Variants in CTNNAL1 observed in about 807,000 individuals in gnomAD.
CTNNAL1 encodes catenin alpha like 1.
In CTNNAL1, 69 loss-of-function variants were observed where a neutral mutation model predicts 93.6. That is an observed-to-expected ratio of 0.74 (90% confidence interval 0.61 to 0.90). The LOEUF is 0.90. Among genes scored for constraint, CTNNAL1 ranks in the 40% least tolerant of loss-of-function variants. The probability of loss-of-function intolerance (pLI) is 0.00; values close to 1 mark genes in which losing one functional copy is unlikely to be tolerated. For missense variants in CTNNAL1, 836 were observed against 862.0 expected, an observed-to-expected ratio of 0.97 and a Z score of 0.38; for synonymous variants, 286 against 305.4, an observed-to-expected ratio of 0.94 and a Z score of 0.66.
intron 8 of CTNNAL1, 31 bp from the exon 9 acceptor site, chr9:108,972,864 G>GGGGGGGGGGGGGGGGGCCCCCCC: frequency 3.5e-5 from 5 of 142,560 alleles, no homozygotes; most frequent in Non-Finnish European, 5.0e-5. Flanking sequence ...GGGGGGGTGG[G>GGGGGGGGGGGGGGGGGCCCCCCC]AGGGTGGAGA....
rs917726499 is a variant in CTNNAL1 at position 108,965,606 on chromosome 9, A to C, written c.1441-78T>G. On this transcript the variant is annotated intron_variant, in intron 10 of 18. Coordinates refer to ENST00000325551, the MANE Select transcript of CTNNAL1 (RefSeq NM_003798.4). The stretch of plus-strand genomic sequence containing the variant: ...ATCACTTTGAAGACCAAAGGTAAGT[A>C]AGTCTGCTGTTCAATTCAACTCAAT... The C allele has an allele frequency of 5.4e-6, 4 of 738,996 alleles. No homozygotes were observed. The African/African-American group carries it at 7.3e-5, about 13-fold the overall frequency. 45.8% of individuals were successfully genotyped at this position (738,996 alleles called of 1,614,324 possible). A position where few individuals can be genotyped will look rare whatever the true frequency, so the allele number is the denominator to read the frequency against.
chr9:108,955,780 T>C lies in CTNNAL1; in HGVS notation c.1629+10A>G. Reference sequence around the variant, plus strand: ...AAACATTCTGCAATGTACATAATTCTTCTACTTACCATTGGCTTTGGAAGT... The same window carrying C: ...AAACATTCTGCAATGTACATAATTCCTCTACTTACCATTGGCTTTGGAAGT... On this transcript the variant is annotated intron_variant, in intron 12 of 18. Transcript: ENST00000325551. The C allele has an allele frequency of 1.2e-6, 2 of 1,600,024 alleles. No individual in the cohort carries two copies. The highest frequency in any genetic ancestry group is 1.1e-5 in the South Asian group (1 of 88,904).
chr9:108,979,166 G>T, intron 7 of CTNNAL1, 115 bp downstream of exon 7: 1 of 1,308,150 alleles, frequency 7.6e-7, no homozygotes, highest in Non-Finnish European at 1.0e-6. Context: ...GAGATATCCT[G>T]TCCCATTCTG....
In CTNNAL1 at chr9:108,944,001, A is replaced by C. The variant is rs2132074579; in HGVS notation, c.1902T>G (p.Gly634=). The C allele has an allele frequency of 6.2e-7, 1 of 1,613,826 alleles. No individual in the cohort carries two copies. The highest frequency in any genetic ancestry group is 1.1e-5 in the South Asian group (1 of 90,996). The part of the protein sequence containing the change: ...IHQLEVFAAE[G]LKLTSSVQAF... Reference sequence around the variant, plus strand: ...CTTGAACACTGGAAGTAAGCTTTAAACCCTCTGCAGCAAAAACCTGGTAGA... The same window carrying C: ...CTTGAACACTGGAAGTAAGCTTTAACCCCTCTGCAGCAAAAACCTGGTAGA... Residue 634 remains glycine (G), a synonymous_variant, in exon 16 of 19, where the codon GGT becomes GGG. Transcript: ENST00000325551.
Position 108,948,254 on chromosome 9 carries a change from TAAGAAGG to T in CTNNAL1, c.1836-27_1836-21del. The T allele has an allele frequency of 6.2e-7, 1 of 1,604,864 alleles. No individual in the cohort carries two copies. The highest frequency in any genetic ancestry group is 1.1e-5 in the South Asian group (1 of 88,636). ...TCTCCTCTAAAATAAAATTAATTGTTAAGAAGGTAACAAAAAGTTATTACCTGAAAAT... is the reference window on the plus strand; with the variant it reads ...TCTCCTCTAAAATAAAATTAATTGTTTAACAAAAAGTTATTACCTGAAAAT... On this transcript the variant is annotated intron_variant, in intron 14 of 18. Transcript: ENST00000325551.
intron 14 of CTNNAL1, chr9:108,950,511 T>C: frequency 6.5e-7 from 1 of 1,549,144 alleles, no homozygotes; most frequent in Non-Finnish European, 8.7e-7. Flanking sequence ...TTCCAGAGAA[T>C]TATCTATCTA....
At chr9:108,943,574 T>C (rs947919963) in intron 17 of CTNNAL1, 129 bp downstream of exon 17, 1 of 707,346 alleles carries the variant, frequency 1.4e-6, no homozygotes, top group Non-Finnish European at 2.3e-6. Flanking sequence ...AATAAATGAT[T>C]CTTGTAGACA....
At chr9:108,972,982 T>C in intron 8 of CTNNAL1, 149 bp from the exon 9 acceptor site, 4 of 930,356 alleles carry the variant, frequency 4.3e-6, no homozygotes, top group Non-Finnish European at 6.2e-6. Context: ...AGCAGTTCCA[T>C]GGGTTCCACT....
intron 4 of CTNNAL1, among the ~76,000 whole-genome samples, chr9:108,986,060 G>C (rs1431939372): frequency 2.0e-5 from 3 of 151,172 alleles, no homozygotes; most frequent in African/African-American, 4.9e-5. Context: ...AAGTTTTAGG[G>C]TACATGTGCA....
intron 9 of CTNNAL1, among the ~76,000 whole-genome samples, chr9:108,972,232 A>C (rs1010508625): frequency 6.6e-6 from 1 of 151,680 alleles, no homozygotes; most frequent in South Asian, 2.1e-4. Context: ...CCTTGCTACC[A>C]CTCGCCCCAA....
In CTNNAL1 at chr9:108,979,295, C is replaced by G. The variant is rs1266988385; in HGVS notation, c.1087G>C (p.Val363Leu). ...AAAGTTCTTACAGCTTGAATCCACA[C>G]AGAAATTAACTGCTGCAGTTCCATT... ...ARMELQQLIS[V>L]WIQAQSKKTK... Residue 363 changes from valine (V) to leucine (L), a missense_variant, in exon 7 of 19, where the codon GTG becomes CTG. Transcript: ENST00000325551. 6.8e-6 allele frequency: 11 copies of G among 1,614,126 alleles called. No homozygotes were observed. In the South Asian group the frequency reaches 1.2e-4, roughly 18 times the overall value.
In CTNNAL1 at chr9:108,970,475, T is replaced by G; in HGVS notation, c.1367A>C (p.His456Pro). 6.2e-7 allele frequency: 1 copy of G among 1,611,654 alleles called. No homozygotes were observed. Among genetic ancestry groups the G allele is most frequent in the Non-Finnish European group, 8.5e-7 (1 of 1,179,026 alleles). ...QLVETCRLLR[H>P]ISGTEPLEIT... Reference sequence around the variant, plus strand: ...TTCCAGAGGTTCTGTCCCAGATATGTGTCGTAACAATCGACAGGTCTACAA... The same window carrying G: ...TTCCAGAGGTTCTGTCCCAGATATGGGTCGTAACAATCGACAGGTCTACAA... The change falls in exon 10 of 19, where the codon CAC becomes CCC. Residue 456 changes from histidine to proline, a missense_variant. Coordinates refer to ENST00000325551, the MANE Select transcript of CTNNAL1 (RefSeq NM_003798.4).
In CTNNAL1 at chr9:108,979,418, A is replaced by G. The variant is rs1429580727; in HGVS notation, c.964T>C (p.Leu322=). 5.0e-6 allele frequency: 8 copies of G among 1,614,120 alleles called. No individual in the cohort carries two copies. The highest frequency in any genetic ancestry group is 6.8e-6 in the Non-Finnish European group (8 of 1,179,990). ...TCCATACGCTCCAAGATGACTTCCA[A>G]TGTCACAGAAAGGTTCTCTTTGGAC... The part of the protein sequence containing the change: ...FQSKENLSVT[L]EVILERMEDF... Residue 322 remains leucine (L), a synonymous_variant, in exon 7 of 19, where the codon TTG becomes CTG. Transcript: ENST00000325551.
chr9:108,972,864 G>GGGGGGGGGCC, intron 8 of CTNNAL1, 31 bp from the exon 9 acceptor site: 8 of 142,540 alleles, frequency 5.6e-5, no homozygotes, highest in Non-Finnish European at 8.1e-5. Flanking sequence ...GGGGGGGTGG[G>GGGGGGGGGCC]AGGGTGGAGA....
In CTNNAL1 at chr9:108,963,042, G is replaced by C. The variant is rs146715939; in HGVS notation, c.1591+2336C>G. ...ACCCCTTGATGGAAAATGCAACTTG[G>C]GTTTGTTTTCTGTTTTAAGGAAAAA... On this transcript the variant is annotated intron_variant, in intron 11 of 18. Coordinates refer to ENST00000325551, the MANE Select transcript of CTNNAL1 (RefSeq NM_003798.4). Among the ~76,000 whole-genome samples the C allele has an allele frequency of 2.5e-3, 387 of 152,018 alleles. 3 individuals carry two copies. The highest frequency in any genetic ancestry group is 8.7e-3 in the African/African-American group (360 of 41,434).
intron 2 of CTNNAL1, 147 bp downstream of exon 2, chr9:108,998,920 T>A (rs561136399): frequency 2.7e-4 from 245 of 911,540 alleles, no homozygotes; most frequent in Non-Finnish European, 3.7e-4. Flanking sequence ...AGTGCAGTAT[T>A]CGCGGAAGCT....
intron 4 of CTNNAL1, among the ~76,000 whole-genome samples, chr9:108,986,012 T>A (rs373625009): frequency 9.2e-5 from 14 of 151,852 alleles, no homozygotes; most frequent in African/African-American, 3.4e-4. Flanking sequence ...CTGTCACTAC[T>A]GCCACTTTCT....
intron 1 of CTNNAL1, among the ~76,000 whole-genome samples, chr9:108,999,514 G>A (rs1826706948): frequency 6.6e-6 from 1 of 152,198 alleles, no homozygotes; most frequent in South Asian, 2.1e-4. Context: ...TACAGTTCCA[G>A]AGGCCCTCCA....
intron 10 of CTNNAL1, 32 bp downstream of exon 10, chr9:108,970,370 A>G (rs536963226): frequency 6.3e-7 from 1 of 1,589,554 alleles, no homozygotes; most frequent in African/African-American, 1.4e-5. Context: ...GATAGGACAC[A>G]ATACAGAAGG....
Sources: allele counts gnomAD v4.1 joint callset (sites outside exome capture counted in the v4.1 genomes callset), GRCh38; gene constraint gnomAD v4.1.1; transcripts MANE v1.5; gene names NCBI Gene and HGNC (gene_info 2026-07-23, HGNC 2026-07-21).